Variants in TMC2 observed in about 807,000 individuals in gnomAD.
TMC2 encodes the protein transmembrane channel like 2.
In TMC2, 102 loss-of-function variants were observed where a neutral mutation model predicts 105.9. The observed-to-expected ratio is 0.96, with a 90% CI of 0.82 to 1.14. The LOEUF is 1.14. Among genes scored for constraint, TMC2 ranks in the 50% most tolerant of loss-of-function variants. The probability of loss-of-function intolerance (pLI) is 0.00; values close to 1 mark genes in which losing one functional copy is unlikely to be tolerated. For missense variants in TMC2, 1,093 were observed against 1,134.3 expected (o/e 0.96, Z 0.52); for synonymous variants, 402 against 422.8 (o/e 0.95, Z 0.60).
At chr20:2,550,586 T>C (rs993283686) in intron 2 of TMC2, among the ~76,000 whole-genome samples, 3 of 152,284 alleles carry the variant, frequency 2.0e-5, no homozygotes, top group Middle Eastern at 3.4e-3. Context: ...ATCATCACAG[T>C]ATGACACAGA....
chr20:2,548,171 A>G (rs6083609), intron 2 of TMC2, among the ~76,000 whole-genome samples: 44,076 of 152,202 alleles, frequency 0.29, 7,152 homozygotes, highest in Admixed American at 0.4. Context: ...TACACAACAC[A>G]ACTTTCGACA....
At chr20:2,589,270 C>CTGTG (rs750496572) in intron 7 of TMC2, among the ~76,000 whole-genome samples, 4,865 of 115,834 alleles carry the variant, frequency 0.042, 210 homozygotes, top group East Asian at 0.12. Context: ...CCTATTTGCC[C>CTGTG]TGTGTGTGTG....
intron 7 of TMC2, among the ~76,000 whole-genome samples, chr20:2,585,009 A>C (rs2086222734): frequency 6.6e-6 from 1 of 152,172 alleles, no homozygotes; most frequent in Non-Finnish European, 1.5e-5. Flanking sequence ...CCAATGATTG[A>C]TTTCTGATTT....
At chr20:2,562,944 T>A (rs547434383) in intron 4 of TMC2, among the ~76,000 whole-genome samples, 96 of 151,298 alleles carry the variant, frequency 6.3e-4, no homozygotes, top group African/African-American at 2.3e-3. Flanking sequence ...AGACTCTGTA[T>A]CAAAAAAAAA....
At chr20:2,612,083 G>A in intron 12 of TMC2, 108 bp from the exon 13 acceptor site, 1 of 1,150,126 alleles carries the variant, frequency 8.7e-7, no homozygotes, top group Non-Finnish European at 1.2e-6. Flanking sequence ...GGGGAGAGCA[G>A]AAGCTAGATG....
chr20:2,579,069 TC>T, intron 5 of TMC2, 76 bp from the exon 6 acceptor site: 1 of 799,620 alleles, frequency 1.3e-6, no homozygotes, highest in Admixed American at 1.9e-5. Flanking sequence ...GTCGGCCTCC[TC>T]GTGCCCCTCA....
rs760845806 is a variant in TMC2 at position 2,612,248 on chromosome 20, A to T, written c.1651A>T (p.Asn551Tyr). The stretch of plus-strand genomic sequence containing the variant: ...TCACTGGACTCTGTTTAACTATTAC[A>T]ACTCTTCTGGTTGGAACGAGAGTGT... ...ITHWTLFNYY[N>Y]SSGWNESVPR... is the part of the protein sequence containing the mutation. Residue 551 changes from asparagine (N) to tyrosine (Y), a missense_variant, in exon 13 of 20, where the codon AAC (asparagine) becomes TAC (tyrosine). Transcript: ENST00000358864. 1.9e-6 allele frequency: 3 copies of T among 1,612,516 alleles called. No individual in the cohort carries two copies. Among genetic ancestry groups the T allele is most frequent in the South Asian group, 2.2e-5 (2 of 90,512 alleles).
chr20:2,538,403 A>T (rs2085865903), intron 2 of TMC2, among the ~76,000 whole-genome samples: 1 of 152,150 alleles, frequency 6.6e-6, no homozygotes, highest in African/African-American at 2.4e-5. Flanking sequence ...ATGAAGGAGC[A>T]AATGTGAGAA....
Position 2,612,199 on chromosome 20 carries a change from T to C in TMC2, c.1602T>C (p.Asn534=), listed in dbSNP as rs938735954. 6.2e-7 allele frequency: 1 copy of C among 1,604,364 alleles called. No individual in the cohort carries two copies. The highest frequency in any genetic ancestry group is 8.5e-7 in the Non-Finnish European group (1 of 1,173,854). The change falls in exon 13 of 20, where the codon AAT becomes AAC. Residue 534 remains asparagine, a synonymous_variant. Coordinates refer to ENST00000358864, the MANE Select transcript of TMC2 (RefSeq NM_080751.3). The part of the protein sequence containing the change: ...LMDDVHLKLA[N]EETIKNITHW... ...TCCATCTTCTGTTCTAGCTTGCTAA[T>C]GAAGAGACAATAAAGAACATCACTC... is the stretch of plus-strand genomic sequence containing the variant.
chr20:2,602,934 A>G (rs78353450), intron 11 of TMC2, among the ~76,000 whole-genome samples: 1 of 152,126 alleles, frequency 6.6e-6, no homozygotes, highest in Admixed American at 6.6e-5. Flanking sequence ...TTTTGAATCC[A>G]CCTTAGCTTG....
chr20:2,617,484 T>A, intron 16 of TMC2, 173 bp downstream of exon 16: 1 of 848,238 alleles, frequency 1.2e-6, no homozygotes, highest in Non-Finnish European at 1.8e-6. Flanking sequence ...AAATGTTAGG[T>A]CGTTCTGTGT....
intron 2 of TMC2, among the ~76,000 whole-genome samples, chr20:2,545,869 G>GAAAGAAAGAAAGAGAAAGAAAGAA (rs1239290634): frequency 5.5e-5 from 7 of 127,856 alleles, no homozygotes; most frequent in African/African-American, 2.1e-4. Context: ...GAAAGAAAAA[G>GAAAGAAAGAAAGAGAAAGAAAGAA]AAAGAAAGAA....
At chr20:2,537,701 C>T (rs2085859836) in intron 2 of TMC2, among the ~76,000 whole-genome samples, 1 of 151,888 alleles carries the variant, frequency 6.6e-6, no homozygotes, top group Non-Finnish European at 1.5e-5. Flanking sequence ...AAGTAGTAGG[C>T]ATAATGGGTG....
intron 5 of TMC2, among the ~76,000 whole-genome samples, chr20:2,578,334 A>G (rs2086162324): frequency 6.6e-6 from 1 of 152,142 alleles, no homozygotes. Context: ...TAACAATAAT[A>G]ATAATAATGG....
intron 10 of TMC2, among the ~76,000 whole-genome samples, chr20:2,600,986 GAAAAAAAAAAA>G (rs55710696): frequency 2.2e-5 from 2 of 90,560 alleles, no homozygotes; most frequent in African/African-American, 4.3e-5. Context: ...GACTGTCTCA[GAAAAAAAAAAA>G]AAAAAAAAGA....
chr20:2,638,270 G>GGCGGAGCTTGCAGTGA (rs1353102052), intron 19 of TMC2, among the ~76,000 whole-genome samples: 9 of 151,712 alleles, frequency 5.9e-5, no homozygotes, highest in Admixed American at 2.6e-4. Context: ...GAACCCGGGA[G>GGCGGAGCTTGCAGTGA]GCGGAGCTTG....
chr20:2,573,717 C>T (rs538882005), intron 5 of TMC2, among the ~76,000 whole-genome samples: 9 of 147,578 alleles, frequency 6.1e-5, no homozygotes, highest in South Asian at 4.2e-4. Context: ...CCCGCCACCA[C>T]GCCCGGCTAA....
rs572947007 is a variant in TMC2, at chr20:2,615,287, C to T, written c.1873-850C>T. ...AGTGAGCTGAGATTGTGCCACTGCA[C>T]TCCAGCCTGGGCAACAGAGCGAGAC... On this transcript the variant is annotated intron_variant, in intron 14 of 19. Coordinates refer to ENST00000358864, the MANE Select transcript of TMC2 (RefSeq NM_080751.3). Among the ~76,000 whole-genome samples the T allele has an allele frequency of 6.0e-4, 92 of 152,342 alleles. No homozygotes were observed. In the Middle Eastern group the frequency reaches 0.01, roughly 17 times the overall value.
chr20:2,536,797 A>G, intron 1 of TMC2, 142 bp downstream of exon 1: 1 of 847,238 alleles, frequency 1.2e-6, no homozygotes, highest in Non-Finnish European at 1.9e-6. Flanking sequence ...GCGCTGAGCG[A>G]CCTCGGCTGG....
Sources: gnomAD v4.1 joint callset for allele counts (sites outside exome capture counted in the v4.1 genomes callset) on GRCh38, gnomAD v4.1.1 for gene constraint, MANE v1.5 for transcripts, NCBI Gene and HGNC (gene_info 2026-07-23, HGNC 2026-07-21) for gene names.